Variants in FBXO42 observed in about 807,000 individuals in gnomAD.
FBXO42 encodes F-box only protein 42.
In FBXO42, 12 loss-of-function variants were observed where a neutral mutation model predicts 71.7. The observed-to-expected ratio is 0.17, with a 90% confidence interval of 0.11 to 0.27. FBXO42 has a LOEUF of 0.27. Ranked by LOEUF, FBXO42 falls within the 10% of genes least tolerant of loss-of-function variation. The pLI is 1.00. For missense variants in FBXO42, 707 were observed against 911.9 expected, an observed-to-expected ratio of 0.78 and a Z score of 2.89; for synonymous variants, 325 against 327.5, an observed-to-expected ratio of 0.99 and a Z score of 0.08.
chr1:16,318,648 A>G (rs984915930), intron 1 of FBXO42, among the ~76,000 whole-genome samples: 1 of 152,172 alleles, frequency 6.6e-6, no homozygotes, highest in African/African-American at 2.4e-5. Flanking sequence ...TTATGTAAGA[A>G]CTGTGTTGCA....
intron 4 of FBXO42, among the ~76,000 whole-genome samples, chr1:16,269,009 C>T (rs1235472105): frequency 2.0e-5 from 3 of 151,814 alleles, no homozygotes; most frequent in Non-Finnish European, 4.4e-5. Context: ...GAGTGTTTCA[C>T]CATGTTGGCC....
chr1:16,325,163 G>A (rs115532714), intron 1 of FBXO42, among the ~76,000 whole-genome samples: 4,052 of 151,908 alleles, frequency 0.027, 185 homozygotes, highest in African/African-American at 0.09. Context: ...TCTTGAGCCC[G>A]AGAGGTGGAG....
chr1:16,306,260 A>T (rs2082249837), intron 2 of FBXO42, among the ~76,000 whole-genome samples: 1 of 152,022 alleles, frequency 6.6e-6, no homozygotes, highest in Non-Finnish European at 1.5e-5. Flanking sequence ...CTCGTGATCC[A>T]CCTGCCTCGG....
At chr1:16,274,510 T>C (rs990070929) in intron 4 of FBXO42, among the ~76,000 whole-genome samples, 7 of 149,440 alleles carry the variant, frequency 4.7e-5, no homozygotes, top group African/African-American at 1.5e-4. Flanking sequence ...AAAAACAAAA[T>C]CTCTGAGTTG....
chr1:16,313,287 GAAGA>G (rs1395529260), intron 2 of FBXO42, among the ~76,000 whole-genome samples: 1 of 127,256 alleles, frequency 7.9e-6, no homozygotes, highest in Admixed American at 7.8e-5. Flanking sequence ...AGAAAGAAAA[GAAGA>G]AAGAGAGAGA....
chr1:16,291,135 C>T (rs926673618), intron 4 of FBXO42, among the ~76,000 whole-genome samples: 3 of 152,170 alleles, frequency 2.0e-5, no homozygotes, highest in African/African-American at 7.2e-5. Context: ...TGTTAGAAGA[C>T]AACCTCACAA....
At chr1:16,254,421 T>C (rs1485197499) in intron 6 of FBXO42, among the ~76,000 whole-genome samples, 9 of 152,302 alleles carry the variant, frequency 5.9e-5, no homozygotes. Context: ...GCACAATGAC[T>C]AATGAAAGCT....
chr1:16,344,058 C>T (rs142645975), intron 1 of FBXO42, among the ~76,000 whole-genome samples: 211 of 151,496 alleles, frequency 1.4e-3, no homozygotes, highest in African/African-American at 5.0e-3. Context: ...AGTGCAATGG[C>T]GCAATCTTGG....
At position 16,313,858 on chromosome 1, in the gene FBXO42, C is replaced by A. The variant is rs550690675; in HGVS notation, c.250+1311G>T. On this transcript the variant is annotated intron_variant, in intron 2 of 9. Coordinates refer to ENST00000375592, the MANE Select transcript of FBXO42 (RefSeq NM_018994.3). ...TCAAACAAAAAATGGGCCCTTTCCA[C>A]TTAAGATGCAATGAAGCCACTAACT... Among the ~76,000 whole-genome samples the A allele has an allele frequency of 2.6e-5, 4 of 152,288 alleles. No individual in the cohort carries two copies. In the South Asian group the frequency reaches 6.2e-4, roughly 24 times the overall value.
In FBXO42 at chr1:16,246,885, C is replaced by G. The variant is rs1256245768; in HGVS notation, c.*3785G>C. On this transcript the variant is annotated 3_prime_UTR_variant, in exon 10 of 10. Coordinates refer to ENST00000375592, the MANE Select transcript of FBXO42 (RefSeq NM_018994.3). ...ATTTGTTAAATTGCTAAAAAGTCAT[C>G]AGGGGAAAACATTAACAAAAAATGA... 1 of 152,144 alleles carries G rather than the reference C, an allele frequency of 6.6e-6. No individual in the cohort carries two copies. The highest frequency in any genetic ancestry group is 1.9e-4 in the East Asian group (1 of 5,200). The allele number at this position is 152,144 out of a possible 1,614,324, so 9.4% of individuals were successfully genotyped here. A position where few individuals can be genotyped will look rare whatever the true frequency, so the allele number is the denominator to read the frequency against.
Position 16,252,342 on chromosome 1 carries a change from C to A in FBXO42, c.984G>T (p.Lys328Asn). ...GGGCCCCATGCTCTTCATTTTCTAC[C>A]TTGAGTGGCTGCCAGGCCCAAGGAC... is the stretch of plus-strand genomic sequence containing the variant. ...HSGPWAWQPL[K>N]VENEEHGAPE... The change falls in exon 9 of 10, where the codon AAG (lysine) becomes AAT (asparagine). Residue 328 changes from lysine (K) to asparagine (N), a missense_variant. By Grantham distance (94) the Lys-to-Asn change is moderately conservative. This residue lies in a region of FBXO42 where 482 missense variants were observed against 587.1 expected (regional missense o/e 0.82). Transcript: ENST00000375592. The surrounding 1 kb of genome is among the most constrained non-coding windows in gnomAD (Gnocchi z 4.4). 1 of 1,614,206 alleles carries A rather than the reference C, an allele frequency of 6.2e-7. No homozygotes were observed. The highest frequency in any genetic ancestry group is 8.5e-7 in the Non-Finnish European group (1 of 1,180,034).
chr1:16,338,354 C>CA (rs55865669), intron 1 of FBXO42, among the ~76,000 whole-genome samples: 33,965 of 106,708 alleles, frequency 0.32, 5,264 homozygotes, highest in East Asian at 0.55. Flanking sequence ...GCCCTATCTC[C>CA]AAAAAAAAAA....
intron 1 of FBXO42, among the ~76,000 whole-genome samples, chr1:16,321,541 CA>C (rs899793379): frequency 3.3e-5 from 5 of 152,132 alleles, no homozygotes; most frequent in African/African-American, 1.2e-4. Context: ...TCAGCTTCCC[CA>C]ACGTGACTGA....
intron 1 of FBXO42, among the ~76,000 whole-genome samples, chr1:16,324,651 T>C (rs1023298753): frequency 1.3e-5 from 2 of 152,054 alleles, no homozygotes; most frequent in Non-Finnish European, 2.9e-5. Context: ...AACCCTTCTC[T>C]ACAAAAAATA....
chr1:16,332,722 G>A (rs1484093556), intron 1 of FBXO42, among the ~76,000 whole-genome samples: 1 of 151,980 alleles, frequency 6.6e-6, no homozygotes, highest in African/African-American at 2.4e-5. Context: ...TGTATTTTTA[G>A]TAGAGATACA....
chr1:16,271,810 T>C (rs747941788), intron 4 of FBXO42, among the ~76,000 whole-genome samples: 2 of 152,010 alleles, frequency 1.3e-5, no homozygotes, highest in African/African-American at 2.4e-5. Context: ...CTTAGTACTA[T>C]ACCTGCATAC....
chr1:16,321,383 A>G (rs1270924822), intron 1 of FBXO42, among the ~76,000 whole-genome samples: 1 of 152,206 alleles, frequency 6.6e-6, no homozygotes, highest in Non-Finnish European at 1.5e-5. Context: ...ATATAGAGGC[A>G]TTTTGAAACT....
At chr1:16,303,922 T>C (rs2082223450) in intron 3 of FBXO42, among the ~76,000 whole-genome samples, 1 of 151,704 alleles carries the variant, frequency 6.6e-6, no homozygotes, top group Non-Finnish European at 1.5e-5. Flanking sequence ...ATTTTTTATA[T>C]ATATATTTTT....
At chr1:16,295,443 T>G (rs1283771344) in intron 3 of FBXO42, among the ~76,000 whole-genome samples, 2 of 152,012 alleles carry the variant, frequency 1.3e-5, no homozygotes, top group African/African-American at 4.8e-5. Context: ...CAGGCTGGAG[T>G]GCAGTGGCAT....
Sources: allele counts gnomAD v4.1 joint callset (sites outside exome capture counted in the v4.1 genomes callset), GRCh38; gene constraint gnomAD v4.1.1; regional missense constraint gnomAD v4.1.1; non-coding constraint Gnocchi (gnomAD v3.1); transcripts MANE v1.5; gene names NCBI Gene and HGNC (gene_info 2026-07-23, HGNC 2026-07-21).